DLG2: variants seen among roughly 807,000 people sequenced by gnomAD.
DLG2 encodes disks large homolog 2.
Under a neutral mutation model 132.5 loss-of-function variants are expected in DLG2, and 45 were observed. The ratio of observed to expected loss-of-function variants is 0.34; its 90% CI spans 0.27 to 0.44. DLG2 has a LOEUF of 0.44. Among genes scored for constraint, DLG2 ranks in the 20% least tolerant of loss-of-function variants. DLG2 has a pLI of 1.00. For missense variants in DLG2, 1,045 were observed against 1,196.9 expected (o/e 0.87, Z 1.87); for synonymous variants, 424 against 419.6 (o/e 1.01, Z -0.13).
intron 18 of DLG2, among the ~76,000 whole-genome samples, chr11:83,664,548 G>A (rs759222038): frequency 6.6e-6 from 1 of 152,008 alleles, no homozygotes; most frequent in East Asian, 1.9e-4. Context: ...AGGAATGAAT[G>A]AGGTCATGGA....
At chr11:83,979,147 G>A (rs550595995) in intron 12 of DLG2, among the ~76,000 whole-genome samples, 1 of 152,182 alleles carries the variant, frequency 6.6e-6, no homozygotes, top group East Asian at 1.9e-4. Flanking sequence ...AAAGCTTACT[G>A]AACACAAAGG....
intron 7 of DLG2, among the ~76,000 whole-genome samples, chr11:84,430,523 G>A (rs1230120086): frequency 6.6e-6 from 1 of 151,730 alleles, no homozygotes; most frequent in African/African-American, 2.4e-5. Context: ...AATTAAATGA[G>A]ATGGTATGTG....
intron 6 of DLG2, among the ~76,000 whole-genome samples, chr11:84,662,541 T>C (rs1010704027): frequency 1.3e-5 from 2 of 149,408 alleles, no homozygotes; most frequent in Non-Finnish European, 3.0e-5. Context: ...CCCAGAACTT[T>C]GGGAGGCCAA....
At position 84,433,796 on chromosome 11, in the gene DLG2, G is replaced by T. The variant is rs147221072; in HGVS notation, c.519+100774C>A. Reference sequence around the variant, plus strand: ...CAAATGCCAACGTTAAGGTTAAAATGATATGACAATTAAAAGCTATTCAAA... The same window carrying T: ...CAAATGCCAACGTTAAGGTTAAAATTATATGACAATTAAAAGCTATTCAAA... On this transcript the variant is annotated intron_variant, in intron 7 of 27. Coordinates refer to ENST00000376104, the MANE Select transcript of DLG2 (RefSeq NM_001142699.3). Among the ~76,000 whole-genome samples the T allele has an allele frequency of 4.9e-3, 749 of 152,236 alleles. 11 individuals are homozygous for T. Among genetic ancestry groups the T allele is most frequent in the African/African-American group, 0.016 (666 of 41,554 alleles).
At chr11:84,320,580 T>A (rs1174794137) in intron 7 of DLG2, among the ~76,000 whole-genome samples, 1 of 152,234 alleles carries the variant, frequency 6.6e-6, no homozygotes, top group Non-Finnish European at 1.5e-5. Context: ...TTGGCCTAGA[T>A]AATCTCCAGA....
chr11:83,730,142 T>C (rs1032968703), intron 18 of DLG2, among the ~76,000 whole-genome samples: 1 of 144,738 alleles, frequency 6.9e-6, no homozygotes, highest in Non-Finnish European at 1.5e-5. Flanking sequence ...GGTGTTTTTT[T>C]ATGGTTTTTT....
chr11:83,935,821 A>G (rs1467719614), intron 14 of DLG2, among the ~76,000 whole-genome samples: 2 of 152,242 alleles, frequency 1.3e-5, no homozygotes, highest in African/African-American at 2.4e-5. Context: ...GTTAAGTACA[A>G]GCAAACCAAA....
chr11:85,551,601 A>C (rs2076669962), intron 3 of DLG2, among the ~76,000 whole-genome samples: 1 of 152,086 alleles, frequency 6.6e-6, no homozygotes, highest in Non-Finnish European at 1.5e-5. Context: ...AAACATTGAC[A>C]TTCAAATTAA....
chr11:83,975,531 C>T (rs1360545234), intron 12 of DLG2, among the ~76,000 whole-genome samples: 1 of 151,936 alleles, frequency 6.6e-6, no homozygotes, highest in African/African-American at 2.4e-5. Flanking sequence ...GCAAAGGTAA[C>T]AGACAGAGTA....
chr11:83,613,213 C>A (rs754166899), intron 19 of DLG2, among the ~76,000 whole-genome samples: 17 of 152,084 alleles, frequency 1.1e-4, no homozygotes, highest in Non-Finnish European at 2.4e-4. Context: ...ACTATGGAGT[C>A]GGGAAGACTG....
chr11:83,812,266 A>G (rs901644203), intron 17 of DLG2, among the ~76,000 whole-genome samples: 4 of 152,114 alleles, frequency 2.6e-5, no homozygotes, highest in Non-Finnish European at 5.9e-5. Context: ...AAATACTTCT[A>G]TGTCTTCCAA....
intron 18 of DLG2, among the ~76,000 whole-genome samples, chr11:83,779,835 T>C (rs867377629): frequency 2.0e-5 from 3 of 152,238 alleles, no homozygotes; most frequent in South Asian, 2.1e-4. Context: ...TTTCTCCTTA[T>C]GTATTAAAAA....
At chr11:85,077,518 A>G (rs1022970127) in intron 6 of DLG2, among the ~76,000 whole-genome samples, 1 of 152,110 alleles carries the variant, frequency 6.6e-6, no homozygotes, top group African/African-American at 2.4e-5. Flanking sequence ...TGGAACTTGA[A>G]AAAAACAGAT....
intron 15 of DLG2, among the ~76,000 whole-genome samples, chr11:83,875,137 T>C (rs2064438549): frequency 6.6e-6 from 1 of 152,146 alleles, no homozygotes; most frequent in South Asian, 2.1e-4. Flanking sequence ...TAGTTAATAA[T>C]AATTGAGCTA....
rs555830852 is a variant in DLG2 at position 84,299,192 on chromosome 11, C to T, written c.520-47901G>A. ...CCACTCATTAACATTTCCAAAGATA[C>T]GTAAGTGTAAGTCAGATTACACTTA... On this transcript the variant is annotated intron_variant, in intron 7 of 27. Coordinates refer to ENST00000376104, the MANE Select transcript of DLG2 (RefSeq NM_001142699.3). Among the ~76,000 whole-genome samples, 14 of 152,140 alleles carry T rather than the reference C, an allele frequency of 9.2e-5. 1 individual carries two copies. In the South Asian group the frequency reaches 2.3e-3, roughly 25 times the overall value.
At chr11:83,701,778 G>C (rs561727712) in intron 18 of DLG2, among the ~76,000 whole-genome samples, 1 of 152,160 alleles carries the variant, frequency 6.6e-6, no homozygotes, top group African/African-American at 2.4e-5. Flanking sequence ...ATAACCTGTC[G>C]TGGTAGGGAA....
intron 3 of DLG2, 68 bp from the exon 4 acceptor site, chr11:85,285,433 T>C: frequency 3.4e-6 from 5 of 1,459,264 alleles, no homozygotes; most frequent in Non-Finnish European, 3.7e-6. Context: ...TCTGCATATA[T>C]GTCCATATAT....
Position 84,854,380 on chromosome 11 carries a change from C to T in DLG2, c.357+257281G>A, listed in dbSNP as rs975751754. On this transcript the variant is annotated intron_variant, in intron 6 of 27. Coordinates refer to ENST00000376104, the MANE Select transcript of DLG2 (RefSeq NM_001142699.3). ...AGACTGGAATGGTATTAGTATTTGCCTCTAGACATTCCTGGATGATTAAAT... is the reference window on the plus strand; with the variant it reads ...AGACTGGAATGGTATTAGTATTTGCTTCTAGACATTCCTGGATGATTAAAT... Among the ~76,000 whole-genome samples, 9 of 151,944 alleles carry T rather than the reference C, an allele frequency of 5.9e-5. 1 individual carries two copies. The highest frequency in any genetic ancestry group is 6.8e-3 in the Middle Eastern group (2 of 294).
chr11:83,532,878 G>A, intron 20 of DLG2, 95 bp from the exon 21 acceptor site: 1 of 1,001,052 alleles, frequency 1.0e-6, no homozygotes, highest in Non-Finnish European at 1.5e-6. Context: ...TCCTATCCTT[G>A]AAGCTCAAAT....
Sources: allele counts gnomAD v4.1 joint callset (sites outside exome capture counted in the v4.1 genomes callset), GRCh38; gene constraint gnomAD v4.1.1; transcripts MANE v1.5; gene names NCBI Gene and HGNC (gene_info 2026-07-23, HGNC 2026-07-21).